Variants in USP10 observed in about 807,000 individuals in gnomAD.
USP10 encodes ubiquitin carboxyl-terminal hydrolase 10.
A neutral mutation model predicts 84.5 loss-of-function variants in USP10; 22 were observed. That is an observed-to-expected ratio of 0.26 (90% CI 0.19 to 0.37). The LOEUF (loss-of-function observed/expected upper bound fraction) is 0.37. Ranked by LOEUF, USP10 falls within the 10% of genes least tolerant of loss-of-function variation. The pLI is 1.00. For synonymous variants in USP10, 454 were observed against 387.6 expected, an observed-to-expected ratio of 1.17 and a Z score of -2.01; for missense variants, 1,019 against 998.9, an observed-to-expected ratio of 1.02 and a Z score of -0.27.
chr16:84,710,195 G>A (rs374747316), intron 1 of USP10, among the ~76,000 whole-genome samples: 27 of 151,902 alleles, frequency 1.8e-4, no homozygotes, highest in African/African-American at 6.5e-4. Context: ...GCTTGAACCC[G>A]GGAGGCAGAG....
At chr16:84,718,597 A>G (rs1907364263) in intron 1 of USP10, among the ~76,000 whole-genome samples, 1 of 151,876 alleles carries the variant, frequency 6.6e-6, no homozygotes, top group Admixed American at 6.6e-5. Flanking sequence ...CCCTACTGAA[A>G]ATACAAAAAT....
chr16:84,744,153 C>T (rs1024152233), intron 3 of USP10, among the ~76,000 whole-genome samples: 1 of 151,420 alleles, frequency 6.6e-6, no homozygotes. Context: ...GGATTCTTTG[C>T]GTAGTTCATG....
At chr16:84,726,312 C>G (rs997441794) in intron 1 of USP10, among the ~76,000 whole-genome samples, 4 of 152,250 alleles carry the variant, frequency 2.6e-5, no homozygotes, top group Non-Finnish European at 4.4e-5. Flanking sequence ...GCAGGTTGTG[C>G]AAGTGAACAT....
intron 3 of USP10, among the ~76,000 whole-genome samples, chr16:84,741,493 T>C (rs977167841): frequency 2.0e-5 from 3 of 152,256 alleles, no homozygotes; most frequent in African/African-American, 7.2e-5. Flanking sequence ...TGCCCCATGA[T>C]GTTCCCATGC....
intron 2 of USP10, among the ~76,000 whole-genome samples, 178 bp from the exon 3 acceptor site, chr16:84,740,130 TC>T (rs1910453500): frequency 6.6e-6 from 1 of 152,268 alleles, no homozygotes; most frequent in South Asian, 2.1e-4. Context: ...TGTGTTTTTT[TC>T]GTTAAATGAA....
chr16:84,772,047 C>A (rs1267921007), intron 11 of USP10, among the ~76,000 whole-genome samples: 1 of 152,004 alleles, frequency 6.6e-6, no homozygotes, highest in African/African-American at 2.4e-5. Context: ...ATGCATTTTT[C>A]TTCTTCTTTT....
Position 84,762,971 on chromosome 16 carries a change from T to C in USP10, c.1555-18T>C. 1 of 1,556,612 alleles carries C rather than the reference T, an allele frequency of 6.4e-7. No individual in the cohort carries two copies. The highest frequency in any genetic ancestry group is 1.3e-5 in the African/African-American group (1 of 74,192). On this transcript the variant is annotated intron_variant, in intron 8 of 13. Transcript: ENST00000219473. ...AGTGATCAGTTCACAGTAACGTGAT[T>C]ATATTTGACCTTTTCAGGGTCGACA...
At chr16:84,739,224 A>C (rs1910324456) in intron 2 of USP10, among the ~76,000 whole-genome samples, 1 of 142,448 alleles carries the variant, frequency 7.0e-6, no homozygotes, top group Non-Finnish European at 1.5e-5. Flanking sequence ...ATGCCCGGCT[A>C]ATTTTTTGTA....
intron 1 of USP10, among the ~76,000 whole-genome samples, chr16:84,700,423 G>C (rs1904697326): frequency 6.6e-6 from 1 of 151,992 alleles, no homozygotes. Context: ...GGCGAGCCCG[G>C]GGTGTGGAGT....
At chr16:84,754,718 C>T (rs946062274) in intron 4 of USP10, among the ~76,000 whole-genome samples, 3 of 152,186 alleles carry the variant, frequency 2.0e-5, no homozygotes, top group Non-Finnish European at 2.9e-5. Context: ...CTAGTTCATG[C>T]TGTCTCACAA....
intron 1 of USP10, among the ~76,000 whole-genome samples, chr16:84,717,974 G>A (rs184665812): frequency 9.6e-4 from 146 of 152,230 alleles, no homozygotes; most frequent in African/African-American, 3.3e-3. Context: ...TGATGGAAAG[G>A]GTATATAATT....
chr16:84,719,919 C>T (rs1254758049), intron 1 of USP10, among the ~76,000 whole-genome samples: 1 of 152,166 alleles, frequency 6.6e-6, no homozygotes, highest in Non-Finnish European at 1.5e-5. Context: ...AGCTAGTATA[C>T]CACTTTTTGC....
At position 84,778,995 on chromosome 16, in the gene USP10, C is replaced by G; in HGVS notation, c.2310C>G (p.Val770=). Residue 770 remains valine (V), a synonymous_variant, in exon 14 of 14, where the codon GTC becomes GTG. Coordinates refer to ENST00000219473, the MANE Select transcript of USP10 (RefSeq NM_005153.3). The part of the protein sequence containing the change: ...NGWLRIDDQT[V]KVINQYQVVK... Reference sequence around the variant, plus strand: ...GGCTGCGCATCGATGACCAGACAGTCAAGGTGATCAACCAGTACCAGGTGG... The same window carrying G: ...GGCTGCGCATCGATGACCAGACAGTGAAGGTGATCAACCAGTACCAGGTGG... 2 of 1,614,046 alleles carry G rather than the reference C, an allele frequency of 1.2e-6. No homozygotes were observed. Among genetic ancestry groups the G allele is most frequent in the Non-Finnish European group, 8.5e-7 (1 of 1,179,902 alleles).
chr16:84,736,946 G>T (rs906917060), intron 2 of USP10, among the ~76,000 whole-genome samples: 3 of 152,140 alleles, frequency 2.0e-5, no homozygotes, highest in African/African-American at 7.2e-5. Context: ...CCGCCACCTC[G>T]CCCGGCTAAT....
intron 6 of USP10, among the ~76,000 whole-genome samples, 178 bp downstream of exon 6, chr16:84,759,650 C>T (rs1055051976): frequency 6.6e-6 from 1 of 152,084 alleles, no homozygotes; most frequent in Non-Finnish European, 1.5e-5. Flanking sequence ...GGAATTGGAG[C>T]ATTGATGATC....
At chr16:84,730,234 A>T (rs1401603266) in intron 1 of USP10, among the ~76,000 whole-genome samples, 1 of 152,178 alleles carries the variant, frequency 6.6e-6, no homozygotes, top group East Asian at 1.9e-4. Context: ...CTATATTATT[A>T]ACAAACACAA....
At chr16:84,768,912 CATT>C (rs1914141646) in intron 11 of USP10, among the ~76,000 whole-genome samples, 1 of 152,184 alleles carries the variant, frequency 6.6e-6, no homozygotes, top group Non-Finnish European at 1.5e-5. Context: ...AAGAGTATCA[CATT>C]ATAGCTTGGT....
intron 4 of USP10, among the ~76,000 whole-genome samples, chr16:84,751,952 C>A (rs1395802391): frequency 6.6e-6 from 1 of 151,966 alleles, no homozygotes; most frequent in African/African-American, 2.4e-5. Context: ...CTGGTATTGC[C>A]TTTGAGTTGA....
intron 1 of USP10, among the ~76,000 whole-genome samples, chr16:84,729,065 C>T (rs1254115583): frequency 7.9e-5 from 12 of 150,986 alleles, no homozygotes; most frequent in South Asian, 6.3e-4. Context: ...CTGGAAGTGA[C>T]GAGATTACAA....
Sources: allele counts gnomAD v4.1 joint callset (sites outside exome capture counted in the v4.1 genomes callset), GRCh38; gene constraint gnomAD v4.1.1; transcripts MANE v1.5; gene names NCBI Gene and HGNC (gene_info 2026-07-23, HGNC 2026-07-21).